Variants in ZP3 observed in about 807,000 individuals in gnomAD.
ZP3 encodes the protein zona pellucida glycoprotein 3, also known as zona pellucida sperm-binding protein 3.
A neutral mutation model predicts 35.6 loss-of-function variants in ZP3; 21 were observed. The observed-to-expected ratio is 0.59, with a 90% confidence interval of 0.42 to 0.85. The LOEUF is 0.85. ZP3 is among the 40% of genes least tolerant of loss of function. ZP3 has a pLI of 0.00. For missense variants in ZP3, 437 were observed against 536.5 expected, an observed-to-expected ratio of 0.81 and a Z score of 1.83; for synonymous variants, 207 against 214.5, an observed-to-expected ratio of 0.96 and a Z score of 0.31.
intron 2 of ZP3, among the ~76,000 whole-genome samples, chr7:76,430,998 C>G (rs1051328504): frequency 6.6e-6 from 1 of 152,178 alleles, no homozygotes; most frequent in Non-Finnish European, 1.5e-5. Context: ...GACAGATGGG[C>G]TCACCAGCCT....
At chr7:76,428,431 A>C (rs1805734606) in intron 1 of ZP3, among the ~76,000 whole-genome samples, 1 of 152,160 alleles carries the variant, frequency 6.6e-6, no homozygotes, top group Non-Finnish European at 1.5e-5. Context: ...AGAATCTCAT[A>C]CCTTCACTCT....
intron 1 of ZP3, among the ~76,000 whole-genome samples, chr7:76,419,267 C>G (rs1225387269): frequency 6.6e-6 from 1 of 152,200 alleles, no homozygotes; most frequent in African/African-American, 2.4e-5. Context: ...TATTTTCCAG[C>G]TCACTCTGCC....
chr7:76,401,189 G>A, intron 1 of ZP3: 3 of 1,208,700 alleles, frequency 2.5e-6, no homozygotes, highest in Non-Finnish European at 2.2e-6. Flanking sequence ...AAGCCCCATT[G>A]TCTCTTTCTC....
chr7:76,406,479 AT>A (rs1038487806), intron 1 of ZP3, among the ~76,000 whole-genome samples: 10 of 151,790 alleles, frequency 6.6e-5, no homozygotes, highest in African/African-American at 2.4e-4. Flanking sequence ...ACTTTAAAGA[AT>A]TTTTTTATTT....
At chr7:76,397,535 G>C in exon 1 of ZP3, 1 of 1,574,134 alleles carries the variant, frequency 6.4e-7, no homozygotes, top group Non-Finnish European at 8.6e-7. Flanking sequence ...GAGCGCGCCC[G>C]CGTCCTCGTG....
At chr7:76,402,200 T>TTTTTTTG (rs1804854753) in intron 1 of ZP3, among the ~76,000 whole-genome samples, 1 of 148,606 alleles carries the variant, frequency 6.7e-6, no homozygotes, top group Non-Finnish European at 1.5e-5. Flanking sequence ...TTTTTTTTTT[T>TTTTTTTG]GAGACAGAGT....
At chr7:76,430,712 GC>G (rs3838330) in intron 2 of ZP3, among the ~76,000 whole-genome samples, 1,673 of 152,318 alleles carry the variant, frequency 0.011, 98 homozygotes, top group East Asian at 0.072. Flanking sequence ...TCCAGCCTGG[GC>G]AACAGAGCAA....
intron 3 of ZP3, 110 bp downstream of exon 3, chr7:76,433,140 T>TGGTC: frequency 1.5e-6 from 1 of 663,248 alleles, no homozygotes; most frequent in South Asian, 1.9e-5. Flanking sequence ...TTTGGTTGGT[T>TGGTC]TTGGTTGGTT....
At chr7:76,427,247 T>C (rs1584058584) in intron 1 of ZP3, among the ~76,000 whole-genome samples, 1 of 151,754 alleles carries the variant, frequency 6.6e-6, no homozygotes. Context: ...CCGTGCGCAG[T>C]GGCTCACGCC....
At chr7:76,417,682 G>C (rs1192457496) in intron 1 of ZP3, among the ~76,000 whole-genome samples, 1 of 150,330 alleles carries the variant, frequency 6.7e-6, no homozygotes, top group Non-Finnish European at 1.5e-5. Flanking sequence ...TGTGATCATA[G>C]TTCATTGCAG....
At chr7:76,427,967 C>A (rs890118850) in intron 1 of ZP3, among the ~76,000 whole-genome samples, 1 of 152,098 alleles carries the variant, frequency 6.6e-6, no homozygotes, top group Non-Finnish European at 1.5e-5. Flanking sequence ...AGCCACTGCA[C>A]CCAGCCCTCA....
chr7:76,411,074 C>T (rs1048712496), intron 1 of ZP3, among the ~76,000 whole-genome samples: 3 of 151,866 alleles, frequency 2.0e-5, no homozygotes, highest in African/African-American at 4.8e-5. Flanking sequence ...TCTCCACGCC[C>T]CTGCTGCCCG....
chr7:76,435,135 A>G (rs1805953405), intron 5 of ZP3, among the ~76,000 whole-genome samples: 1 of 151,640 alleles, frequency 6.6e-6, no homozygotes, highest in Admixed American at 6.6e-5. Flanking sequence ...TCACGAGGTC[A>G]GGAGATTGAG....
At chr7:76,438,440 C>A (rs1235457041) in intron 5 of ZP3, among the ~76,000 whole-genome samples, 2 of 151,684 alleles carry the variant, frequency 1.3e-5, no homozygotes, top group Non-Finnish European at 2.9e-5. Context: ...TACCCGTAAT[C>A]CCATCTACTT....
chr7:76,405,075 G>GA (rs1233887142), intron 1 of ZP3, among the ~76,000 whole-genome samples: 2 of 149,212 alleles, frequency 1.3e-5, no homozygotes, highest in African/African-American at 4.9e-5. Context: ...GCCTCAAAAA[G>GA]AAAAAAATTA....
chr7:76,433,193 C>T (rs1386642084), intron 3 of ZP3, among the ~76,000 whole-genome samples, 163 bp downstream of exon 3: 2 of 96,118 alleles, frequency 2.1e-5, no homozygotes, highest in Non-Finnish European at 4.4e-5. Context: ...TTGATCTGAC[C>T]TCCAGGCTGG....
chr7:76,400,915 G>A, intron 1 of ZP3: 1 of 1,495,448 alleles, frequency 6.7e-7, no homozygotes, highest in Non-Finnish European at 9.1e-7. Context: ...GTCAAGGGGG[G>A]CTGGTTAGTC....
chr7:76,436,038 T>C (rs1458021943), intron 5 of ZP3, among the ~76,000 whole-genome samples: 150 of 17,258 alleles, frequency 8.7e-3, no homozygotes, highest in South Asian at 0.014. Flanking sequence ...CCCTTTTTTT[T>C]TTTTTTTTTT....
chr7:76,440,745 T>C (rs1806173659), intron 7 of ZP3, 134 bp downstream of exon 7: 2 of 1,414,418 alleles, frequency 1.4e-6, no homozygotes, highest in Admixed American at 5.6e-5. Context: ...CAGCTACCTT[T>C]CCCTAACACA....
Sources: allele counts gnomAD v4.1 joint callset (sites outside exome capture counted in the v4.1 genomes callset), GRCh38; gene constraint gnomAD v4.1.1; transcripts MANE v1.5; gene names NCBI Gene and HGNC (gene_info 2026-07-23, HGNC 2026-07-21).